DGKI: variants seen among roughly 807,000 people sequenced by gnomAD.
DGKI encodes diacylglycerol kinase iota.
In DGKI, 55 loss-of-function variants were observed where a neutral mutation model predicts 147.5. The ratio of observed to expected loss-of-function variants is 0.37; its 90% CI spans 0.30 to 0.47. The LOEUF (loss-of-function observed/expected upper bound fraction) is 0.47. DGKI is among the 20% of genes least tolerant of loss of function. The pLI, the probability that DGKI is intolerant of heterozygous loss-of-function variation, is 1.00. For missense variants in DGKI, 1,007 were observed against 1,323.8 expected, an observed-to-expected ratio of 0.76 and a Z score of 3.71; for synonymous variants, 469 against 477.1, an observed-to-expected ratio of 0.98 and a Z score of 0.22.
At position 137,407,956 on chromosome 7, in the gene DGKI, G is replaced by C. The variant is rs1262294632; in HGVS notation, c.2839C>G (p.Gln947Glu). ...SYKNGGSLLI[Q>E]GPDHCSLLHY... ...AGGAGTGAACAGTGGTCTGGTCCCT[G>C]AATTAGCAGACTGCCTCCATTTTTA... is the stretch of plus-strand genomic sequence containing the variant. Residue 947 changes from glutamine (Q) to glutamate (E), a missense_variant, in exon 30 of 33, where the codon CAG becomes GAG. Around this residue, in one of 5 missense-constraint regions of DGKI, gnomAD observed 385 missense variants for 445.2 expected, o/e 0.86. Transcript: ENST00000614521. The C allele has an allele frequency of 6.2e-7, 1 of 1,613,650 alleles. No homozygotes were observed. The highest frequency in any genetic ancestry group is 1.3e-5 in the African/African-American group (1 of 74,858).
intron 32 of DGKI, among the ~76,000 whole-genome samples, chr7:137,391,989 C>G (rs1019387578): frequency 6.6e-6 from 1 of 152,126 alleles, no homozygotes; most frequent in Non-Finnish European, 1.5e-5. Context: ...AATCATTCCA[C>G]CAAACTAAGA....
intron 5 of DGKI, among the ~76,000 whole-genome samples, chr7:137,650,141 T>C (rs2129010184): frequency 6.6e-6 from 1 of 152,342 alleles, no homozygotes; most frequent in South Asian, 2.1e-4. Flanking sequence ...CAGTGAGTCA[T>C]AAGTTTCATC....
intron 19 of DGKI, among the ~76,000 whole-genome samples, chr7:137,566,233 TTGTC>T (rs1252272064): frequency 2.6e-5 from 4 of 152,158 alleles, no homozygotes; most frequent in African/African-American, 9.6e-5. Context: ...ATAACTATAT[TTGTC>T]TGTTTACATA....
chr7:137,794,975 T>C (rs1160787343), intron 1 of DGKI, among the ~76,000 whole-genome samples: 1 of 152,172 alleles, frequency 6.6e-6, no homozygotes, highest in Non-Finnish European at 1.5e-5. Context: ...CTTTTTCTGA[T>C]TCTGTACTCA....
intron 28 of DGKI, among the ~76,000 whole-genome samples, chr7:137,432,460 T>C (rs1813117542): frequency 6.6e-6 from 1 of 152,224 alleles, no homozygotes; most frequent in African/African-American, 2.4e-5. Flanking sequence ...TCACTCTCTC[T>C]TGCACACTTC....
At chr7:137,657,165 C>T (rs1177963619) in intron 3 of DGKI, among the ~76,000 whole-genome samples, 1 of 152,230 alleles carries the variant, frequency 6.6e-6, no homozygotes, top group African/African-American at 2.4e-5. Flanking sequence ...GCAGGAAACG[C>T]TGCTAATAGG....
intron 28 of DGKI, among the ~76,000 whole-genome samples, chr7:137,439,131 G>A (rs1003566852): frequency 9.2e-5 from 14 of 152,028 alleles, no homozygotes; most frequent in East Asian, 5.8e-4. Flanking sequence ...ACAGTAGTTC[G>A]TTTTGCTTAT....
At chr7:137,435,609 C>T (rs538859191) in intron 28 of DGKI, among the ~76,000 whole-genome samples, 22 of 152,064 alleles carry the variant, frequency 1.4e-4, no homozygotes, top group African/African-American at 5.3e-4. Context: ...TTTTTTACAA[C>T]GGGGATTCTA....
chr7:137,535,680 C>T (rs568499522), intron 20 of DGKI, among the ~76,000 whole-genome samples: 1 of 152,230 alleles, frequency 6.6e-6, no homozygotes, highest in East Asian at 1.9e-4. Context: ...ACTATTTCTA[C>T]ACCTATGAGG....
intron 28 of DGKI, among the ~76,000 whole-genome samples, chr7:137,425,342 T>G (rs1484441432): frequency 1.3e-5 from 2 of 152,216 alleles, no homozygotes; most frequent in African/African-American, 4.8e-5. Context: ...AAGGGTCCTG[T>G]CTGTTAGAAG....
chr7:137,582,761 T>C lies in DGKI; in HGVS notation c.1564-833A>G, dbSNP rs995497953. On this transcript the variant is annotated intron_variant, in intron 14 of 32. Transcript: ENST00000614521. ...TCCTGCATTAAAACTGCAAAACTAATGTGATTTTAAGCTTCAGTTAAATGT... is the reference window on the plus strand; with the variant it reads ...TCCTGCATTAAAACTGCAAAACTAACGTGATTTTAAGCTTCAGTTAAATGT... Among the ~76,000 whole-genome samples the C allele has an allele frequency of 3.9e-5, 6 of 152,034 alleles. No homozygotes were observed. The South Asian group carries it at 8.3e-4, about 21-fold the overall frequency.
chr7:137,635,746 C>T (rs1486891406), intron 6 of DGKI, among the ~76,000 whole-genome samples: 1 of 152,204 alleles, frequency 6.6e-6, no homozygotes, highest in Non-Finnish European at 1.5e-5. Context: ...AGTATGTTTA[C>T]TCACTAAATC....
chr7:137,548,494 G>C (rs1319750654), intron 20 of DGKI, among the ~76,000 whole-genome samples: 1 of 151,628 alleles, frequency 6.6e-6, no homozygotes, highest in Non-Finnish European at 1.5e-5. Context: ...GTTTAAATGA[G>C]TATGGTGCCT....
intron 17 of DGKI, among the ~76,000 whole-genome samples, chr7:137,573,948 G>A (rs1410547441): frequency 4.6e-5 from 7 of 152,174 alleles, no homozygotes; most frequent in East Asian, 1.9e-4. Context: ...TAGACTTTCC[G>A]ATGTCAAAGG....
intron 17 of DGKI, among the ~76,000 whole-genome samples, chr7:137,574,984 T>C (rs1256830178): frequency 1.3e-5 from 2 of 152,196 alleles, no homozygotes; most frequent in South Asian, 2.1e-4. Context: ...TAACCTTCCA[T>C]CCTTTTCATC....
chr7:137,417,566 G>A (rs1812406376), intron 28 of DGKI, among the ~76,000 whole-genome samples: 1 of 152,166 alleles, frequency 6.6e-6, no homozygotes. Flanking sequence ...ACATCCATGT[G>A]CGGAAGGAAG....
At chr7:137,445,647 C>T (rs1813686172) in intron 27 of DGKI, among the ~76,000 whole-genome samples, 1 of 152,182 alleles carries the variant, frequency 6.6e-6, no homozygotes, top group South Asian at 2.1e-4. Context: ...AGTTCCATCA[C>T]ACTGATATTC....
intron 22 of DGKI, 118 bp downstream of exon 22, chr7:137,487,492 C>A: frequency 1.1e-6 from 1 of 899,534 alleles, no homozygotes. Context: ...AAGGACAAAG[C>A]CACCACATTT....
At chr7:137,557,647 A>G in intron 19 of DGKI, among the ~76,000 whole-genome samples, 1 of 152,166 alleles carries the variant, frequency 6.6e-6, no homozygotes, top group East Asian at 1.9e-4. Context: ...TTTCTCAATC[A>G]GTGTCTGGCA....
Sources: allele counts gnomAD v4.1 joint callset (sites outside exome capture counted in the v4.1 genomes callset), GRCh38; gene constraint gnomAD v4.1.1; regional missense constraint gnomAD v4.1.1; transcripts MANE v1.5; gene names NCBI Gene and HGNC (gene_info 2026-07-23, HGNC 2026-07-21).